The following DHRS4L2 variants were observed in gnomAD, a reference collection of about 807,000 sequenced individuals.
The protein encoded by DHRS4L2 is dehydrogenase/reductase SDR family member 4-like 2.
In DHRS4L2, 22 loss-of-function variants were observed where a neutral mutation model predicts 23.9. The ratio of observed to expected loss-of-function variants is 0.92; its 90% CI spans 0.66 to 1.31. The LOEUF is 1.31. Ranked by LOEUF, DHRS4L2 falls within the 40% of genes most tolerant of loss-of-function variation. The pLI is 0.00. For synonymous variants in DHRS4L2, 141 were observed against 123.7 expected (o/e 1.14, Z -0.93); for missense variants, 385 against 303.3 (o/e 1.27, Z -2.00).
chr14:23,981,271 G>C (rs762172331), intron 1 of DHRS4L2, among the ~76,000 whole-genome samples: 3 of 151,534 alleles, frequency 2.0e-5, no homozygotes, highest in African/African-American at 7.3e-5. Context: ...TCTTCAAGGA[G>C]AACTACAAAC....
chr14:24,005,738 C>A (rs1320846844), intron 7 of DHRS4L2, 148 bp from the exon 8 acceptor site: 1 of 1,274,706 alleles, frequency 7.8e-7, no homozygotes, highest in Non-Finnish European at 1.1e-6. Context: ...CTCGTGGTAA[C>A]CCTATTTGAT....
chr14:23,975,039 T>A (rs1156656222), intron 1 of DHRS4L2, among the ~76,000 whole-genome samples: 2 of 151,460 alleles, frequency 1.3e-5, no homozygotes, highest in African/African-American at 4.9e-5. Flanking sequence ...TAAGGATGCA[T>A]TCTCTCACCA....
intron 1 of DHRS4L2, among the ~76,000 whole-genome samples, chr14:23,981,526 A>G (rs1291185886): frequency 6.6e-6 from 1 of 151,674 alleles, no homozygotes; most frequent in Non-Finnish European, 1.5e-5. Flanking sequence ...ACCTGTGGGT[A>G]TTTCTTGTCA....
upstream of DHRS4L2, among the ~76,000 whole-genome samples, chr14:23,986,874 A>G (rs1243347799): frequency 6.6e-6 from 1 of 151,646 alleles, no homozygotes; most frequent in African/African-American, 2.4e-5. Flanking sequence ...AAACAGTGCA[A>G]GAGCACAAGG....
intron 1 of DHRS4L2, among the ~76,000 whole-genome samples, chr14:23,978,043 G>T (rs1412240293): frequency 6.6e-6 from 1 of 151,502 alleles, no homozygotes; most frequent in Non-Finnish European, 1.5e-5. Context: ...TTTCCAGATG[G>T]TCCATCCTCA....
At chr14:23,998,612 C>G (rs1375991248) in intron 3 of DHRS4L2, among the ~76,000 whole-genome samples, 3 of 151,604 alleles carry the variant, frequency 2.0e-5, no homozygotes, top group African/African-American at 4.8e-5. Flanking sequence ...GAACCAACCA[C>G]TGCTAGCTTC....
chr14:23,978,216 C>A (rs2034003791), intron 1 of DHRS4L2, among the ~76,000 whole-genome samples: 1 of 151,220 alleles, frequency 6.6e-6, no homozygotes, highest in Non-Finnish European at 1.5e-5. Flanking sequence ...AATACATATT[C>A]ATCCAGTGTT....
chr14:23,986,490 T>G (rs1419058712), upstream of DHRS4L2, among the ~76,000 whole-genome samples: 1 of 143,744 alleles, frequency 7.0e-6, no homozygotes. Context: ...ACGTGCACCC[T>G]AGAACTTAAA....
intron 1 of DHRS4L2, among the ~76,000 whole-genome samples, chr14:23,981,214 G>A (rs933410660): frequency 1.3e-5 from 2 of 151,538 alleles, no homozygotes; most frequent in Non-Finnish European, 2.9e-5. Context: ...CTGCTACAAA[G>A]AGAATAAAAT....
chr14:23,990,304 C>T lies in DHRS4L2; in HGVS notation c.251C>T (p.Thr84Met), dbSNP rs557426954. Reference sequence around the variant, plus strand: ...CTGCAGGGGGAGGGGCTGAGCGTGACGGGCACTGTGTGCCATGTGGGGAAG... The same window carrying T: ...CTGCAGGGGGAGGGGCTGAGCGTGATGGGCACTGTGTGCCATGTGGGGAAG... ...ATLQGEGLSVTGTVCHVGKAE... is the reference protein window; with the variant it reads ...ATLQGEGLSVMGTVCHVGKAE... Residue 84 changes from threonine (T) to methionine (M), a missense_variant, in exon 2 of 8, where the codon ACG becomes ATG. Coordinates refer to ENST00000335125, the MANE Select transcript of DHRS4L2 (RefSeq NM_198083.4). 8.1e-5 allele frequency: 131 copies of T among 1,612,156 alleles called. 4 individuals carry two copies. The highest frequency in any genetic ancestry group is 5.4e-4 in the South Asian group (49 of 90,860).
intron 1 of DHRS4L2, among the ~76,000 whole-genome samples, chr14:23,973,416 C>A (rs1276979175): frequency 6.6e-6 from 1 of 151,936 alleles, no homozygotes; most frequent in Non-Finnish European, 1.5e-5. Flanking sequence ...TCTCAGCCAG[C>A]CCAGAAAGGG....
chr14:23,991,516 T>C (rs1019334596), intron 2 of DHRS4L2, among the ~76,000 whole-genome samples: 4 of 151,762 alleles, frequency 2.6e-5, no homozygotes, highest in Non-Finnish European at 5.9e-5. Context: ...CCTACAGGCC[T>C]GGCCCAGAAG....
At chr14:23,975,936 C>A (rs1338535672) in intron 1 of DHRS4L2, among the ~76,000 whole-genome samples, 6 of 151,504 alleles carry the variant, frequency 4.0e-5, no homozygotes, top group Admixed American at 2.0e-4. Flanking sequence ...GCGTTCCTTA[C>A]ACCTTATACT....
At chr14:24,001,201 C>G (rs2034481406) in intron 5 of DHRS4L2, 117 bp downstream of exon 5, 1 of 1,593,196 alleles carries the variant, frequency 6.3e-7, no homozygotes, top group Admixed American at 1.7e-5. Flanking sequence ...AAGTCCCTGC[C>G]CACAAAATAG....
intron 2 of DHRS4L2, chr14:23,990,925 C>G (rs1204080441): frequency 2.1e-5 from 18 of 857,980 alleles, no homozygotes; most frequent in Non-Finnish European, 2.5e-5. Flanking sequence ...AAGCTCCCTT[C>G]CTTTATTGGC....
chr14:23,989,864 G>A (rs2034229439), intron 1 of DHRS4L2, among the ~76,000 whole-genome samples: 1 of 151,724 alleles, frequency 6.6e-6, no homozygotes, highest in Non-Finnish European at 1.5e-5. Context: ...CACGGAAGTG[G>A]CTGCTGCTGC....
At chr14:23,973,313 C>T (rs1445642794) in intron 1 of DHRS4L2, among the ~76,000 whole-genome samples, 3 of 152,000 alleles carry the variant, frequency 2.0e-5, no homozygotes, top group African/African-American at 7.3e-5. Flanking sequence ...CCACCCAGAA[C>T]TCGTGCTGGC....
chr14:23,981,734 G>C lies in DHRS4L2; in HGVS notation c.-175-8448G>C, dbSNP rs2034056719. On this transcript the variant is annotated intron_variant, in intron 1 of 5. Coordinates refer to the DHRS4L2 transcript ENST00000534993. ...AGCAGAAGAGCAGGGTGATAGTGGG[G>C]AGAAAGTCAGCAAGAAAACATGTGG... is the stretch of plus-strand genomic sequence containing the variant. Among the ~76,000 whole-genome samples the C allele has an allele frequency of 1.3e-5, 2 of 151,650 alleles. 1 individual carries two copies. The highest frequency in any genetic ancestry group is 4.8e-5 in the African/African-American group (2 of 41,270).
chr14:23,974,762 C>A (rs889179508), intron 1 of DHRS4L2, among the ~76,000 whole-genome samples: 4 of 151,748 alleles, frequency 2.6e-5, no homozygotes, highest in Admixed American at 2.6e-4. Flanking sequence ...AATTAATAGC[C>A]TACCAAACCA....
Sources: gnomAD v4.1 joint callset for allele counts (sites outside exome capture counted in the v4.1 genomes callset) on GRCh38, gnomAD v4.1.1 for gene constraint, MANE v1.5 for transcripts, NCBI Gene and HGNC (gene_info 2026-07-23, HGNC 2026-07-21) for gene names.